The following COMMD7 variants were observed in gnomAD, a reference collection of about 807,000 sequenced individuals.
COMMD7 encodes the protein COMM domain containing 7, also known as COMM domain-containing protein 7.
Under a neutral mutation model 34.8 loss-of-function variants are expected in COMMD7, and 28 were observed. The ratio of observed to expected loss-of-function variants is 0.80; its 90% CI spans 0.60 to 1.10. The LOEUF (loss-of-function observed/expected upper bound fraction) is 1.10, where lower values mean the gene tolerates loss of function less well. Among genes scored for constraint, COMMD7 ranks in the 50% least tolerant of loss-of-function variants. The pLI is 0.00. For missense variants in COMMD7, 211 were observed against 241.6 expected, an observed-to-expected ratio of 0.87 and a Z score of 0.84; for synonymous variants, 80 against 86.4, an observed-to-expected ratio of 0.93 and a Z score of 0.41.
intron 1 of COMMD7, among the ~76,000 whole-genome samples, chr20:32,730,944 T>C (rs752296457): frequency 7.2e-5 from 11 of 152,232 alleles, no homozygotes; most frequent in Non-Finnish European, 1.2e-4. Flanking sequence ...ATGTGTAGTA[T>C]GTTAAATGCA....
At chr20:32,704,327 A>C (rs1983925946) in intron 7 of COMMD7, 113 bp downstream of exon 7, 1 of 1,023,132 alleles carries the variant, frequency 9.8e-7, no homozygotes, top group East Asian at 2.5e-5. Context: ...GCTCTGAGAT[A>C]TATAAGGTAC....
intron 1 of COMMD7, among the ~76,000 whole-genome samples, chr20:32,728,912 G>A (rs1336611642): frequency 6.6e-6 from 1 of 152,078 alleles, no homozygotes; most frequent in East Asian, 1.9e-4. Context: ...CGTTACTTGT[G>A]TAAGACAACA....
At position 32,704,476 on chromosome 20, in the gene COMMD7, G is replaced by A. The variant is rs1455220540; in HGVS notation, c.441C>T (p.Ser147=). 5 of 1,601,420 alleles carry A rather than the reference G, an allele frequency of 3.1e-6. No individual in the cohort carries two copies. The highest frequency in any genetic ancestry group is 1.1e-5 in the South Asian group (1 of 89,510). The change falls in exon 7 of 9, where the codon AGC becomes AGT. Residue 147 remains serine, a synonymous_variant. Coordinates refer to ENST00000278980, the MANE Select transcript of COMMD7 (RefSeq NM_053041.3). ...MEWKFGVTSG[S]SELEKVGSIF... ...TACTTCCCACTTTCTCCAATTCGCTGCTCCCAGATGTCACTGTGACAAAAA... is the reference window on the plus strand; with the variant it reads ...TACTTCCCACTTTCTCCAATTCGCTACTCCCAGATGTCACTGTGACAAAAA...
chr20:32,737,213 T>C (rs1986177485), intron 1 of COMMD7, among the ~76,000 whole-genome samples: 1 of 146,768 alleles, frequency 6.8e-6, no homozygotes, highest in Non-Finnish European at 1.5e-5. Flanking sequence ...TATACATATA[T>C]ATAAAGTTTA....
At chr20:32,707,306 TA>T in intron 3 of COMMD7, among the ~76,000 whole-genome samples, 1 of 126,028 alleles carries the variant, frequency 7.9e-6, no homozygotes, top group African/African-American at 2.9e-5. Flanking sequence ...TATATATATA[TA>T]TACTTATCTC....
chr20:32,731,428 T>G (rs188512380), intron 1 of COMMD7, among the ~76,000 whole-genome samples: 1 of 152,132 alleles, frequency 6.6e-6, no homozygotes, highest in Non-Finnish European at 1.5e-5. Flanking sequence ...CCCAGGAGCT[T>G]GAGGCTGCAG....
rs574593042 is a variant in COMMD7 at position 32,738,025 on chromosome 20, A to G, written c.84+5283T>C. Among the ~76,000 whole-genome samples, 5 of 152,272 alleles carry G rather than the reference A, an allele frequency of 3.3e-5. 1 individual carries two copies. Among genetic ancestry groups the G allele is most frequent in the Admixed American group, 3.3e-4 (5 of 15,268 alleles). On this transcript the variant is annotated intron_variant, in intron 1 of 8. Coordinates refer to ENST00000278980, the MANE Select transcript of COMMD7 (RefSeq NM_053041.3). ...TCCAAATGGATATCTTCCAGAGAAC[A>G]CTGATACATTAACAAGTAAAAGCTA...
intron 3 of COMMD7, among the ~76,000 whole-genome samples, chr20:32,710,728 C>CAA (rs34067876): frequency 8.5e-5 from 8 of 94,562 alleles, no homozygotes; most frequent in Admixed American, 1.2e-4. Context: ...GACCTCATCT[C>CAA]AAAAAAAAAA....
intron 1 of COMMD7, chr20:32,742,632 A>AGT (rs1421517949): frequency 6.6e-6 from 1 of 152,188 alleles, no homozygotes; most frequent in Admixed American, 6.5e-5. Context: ...CACTGTACAC[A>AGT]GTGTATAAGG....
intron 5 of COMMD7, among the ~76,000 whole-genome samples, chr20:32,705,336 A>ATG (rs1984004405): frequency 6.8e-6 from 1 of 147,396 alleles, no homozygotes; most frequent in Non-Finnish European, 1.5e-5. Context: ...ATACATATAT[A>ATG]TGTATATATA....
Position 32,703,301 on chromosome 20 carries a change from G to T in COMMD7, c.*81C>A. 7.7e-7 allele frequency: 1 copy of T among 1,292,650 alleles called. No individual in the cohort carries two copies. The highest frequency in any genetic ancestry group is 1.1e-6 in the Non-Finnish European group (1 of 909,102). The allele number at this position is 1,292,650 out of a possible 1,614,324, so 80.1% of individuals were successfully genotyped here. The stretch of plus-strand genomic sequence containing the variant: ...CCCATGGAGCATCCCACAGGCCTGT[G>T]AGTGAAGTGCCTCTCAGAGCAGTCA... On this transcript the variant is annotated 3_prime_UTR_variant, in exon 9 of 9. Transcript: ENST00000278980.
At chr20:32,739,383 C>T (rs1420104526) in intron 1 of COMMD7, among the ~76,000 whole-genome samples, 2 of 152,132 alleles carry the variant, frequency 1.3e-5, no homozygotes, top group Non-Finnish European at 2.9e-5. Flanking sequence ...CGGTGTCTCA[C>T]GCCTGTAATC....
At chr20:32,734,167 C>A (rs1365106640) in intron 1 of COMMD7, among the ~76,000 whole-genome samples, 1 of 137,772 alleles carries the variant, frequency 7.3e-6, no homozygotes, top group African/African-American at 2.8e-5. Flanking sequence ...GGCAACAGAG[C>A]GAGACTCCGT....
At chr20:32,713,693 T>C (rs28548407) in intron 3 of COMMD7, among the ~76,000 whole-genome samples, 105,531 of 152,110 alleles carry the variant, frequency 0.69, 37,279 homozygotes, top group Middle Eastern at 0.82. Flanking sequence ...GCCATGTGCC[T>C]GCACTGTGCT....
chr20:32,740,316 C>CA (rs56389684), intron 1 of COMMD7, among the ~76,000 whole-genome samples: 18 of 144,922 alleles, frequency 1.2e-4, no homozygotes, highest in Middle Eastern at 3.4e-3. Flanking sequence ...GACACTGTCT[C>CA]AAAAAAAAAA....
chr20:32,742,147 A>G (rs1282748832), intron 1 of COMMD7, among the ~76,000 whole-genome samples: 1 of 152,152 alleles, frequency 6.6e-6, no homozygotes, highest in Non-Finnish European at 1.5e-5. Context: ...AGATCGCGCC[A>G]CTGCACTCCA....
chr20:32,720,972 T>C (rs1234867267), intron 3 of COMMD7, among the ~76,000 whole-genome samples: 1 of 152,118 alleles, frequency 6.6e-6, no homozygotes. Context: ...GAACTATCTA[T>C]TAGAGCCATG....
Position 32,739,949 on chromosome 20 carries a change from T to C in COMMD7, c.84+3359A>G, listed in dbSNP as rs113610661. On this transcript the variant is annotated intron_variant, in intron 1 of 8. Transcript: ENST00000278980. The stretch of plus-strand genomic sequence containing the variant: ...CAGCATGAGACTCACTTGAACCCTG[T>C]AGGCGGAGGTTTCAGTGAGCCGAGA... Among the ~76,000 whole-genome samples the C allele has an allele frequency of 2.0e-4, 29 of 142,664 alleles. 4 individuals are homozygous for C. Among genetic ancestry groups the C allele is most frequent in the African/African-American group, 5.8e-4 (22 of 37,996 alleles). The allele number at this position is 142,664 out of a possible 152,430, so 93.6% of individuals were successfully genotyped here.
At chr20:32,736,884 A>G (rs1986152544) in intron 1 of COMMD7, among the ~76,000 whole-genome samples, 1 of 152,058 alleles carries the variant, frequency 6.6e-6, no homozygotes, top group South Asian at 2.1e-4. Flanking sequence ...TTCAAAAATT[A>G]CAAAAATTAG....
Sources: allele counts gnomAD v4.1 joint callset (sites outside exome capture counted in the v4.1 genomes callset), GRCh38; gene constraint gnomAD v4.1.1; transcripts MANE v1.5; gene names NCBI Gene and HGNC (gene_info 2026-07-23, HGNC 2026-07-21).